ODAD2: variants seen among roughly 807,000 people sequenced by gnomAD.
The protein encoded by ODAD2 is outer dynein arm-docking complex subunit 2.
A neutral mutation model predicts 106.8 loss-of-function variants in ODAD2; 89 were observed. The ratio of observed to expected loss-of-function variants is 0.83; its 90% confidence interval spans 0.70 to 0.99. ODAD2 has a LOEUF of 0.99. ODAD2 is among the 50% of genes least tolerant of loss of function. ODAD2 has a pLI of 0.00. For missense variants in ODAD2, 1,168 were observed against 1,238.5 expected (o/e 0.94, Z 0.85); for synonymous variants, 404 against 436.2 (o/e 0.93, Z 0.92).
rs115922911 is a variant in ODAD2, at chr10:27,962,365, G to A, written c.1239-650C>T. 6.3e-3 allele frequency among the ~76,000 whole-genome samples: 953 copies of A among 152,294 alleles called. 8 individuals carry two copies. The highest frequency in any genetic ancestry group is 0.022 in the African/African-American group (905 of 41,554). On this transcript the variant is annotated intron_variant, in intron 9 of 19. Coordinates refer to ENST00000305242, the MANE Select transcript of ODAD2 (RefSeq NM_018076.5). ...AAGTGCTCAATGGCCCACGTGCCTC[G>A]TGGTTACCACACTGGACAGCTCAGA...
At chr10:27,950,102 A>C (rs1303115968) in intron 10 of ODAD2, among the ~76,000 whole-genome samples, 1 of 152,160 alleles carries the variant, frequency 6.6e-6, no homozygotes, top group East Asian at 1.9e-4. Context: ...GACTTGGAGA[A>C]TCGGCACCAC....
At chr10:27,859,568 A>C (rs1354414415) in intron 19 of ODAD2, among the ~76,000 whole-genome samples, 1 of 152,154 alleles carries the variant, frequency 6.6e-6, no homozygotes, top group Non-Finnish European at 1.5e-5. Context: ...CAACAAGTCC[A>C]CTTTGGGCAT....
chr10:27,956,063 A>C (rs1315901154), intron 10 of ODAD2, among the ~76,000 whole-genome samples: 1 of 152,162 alleles, frequency 6.6e-6, no homozygotes, highest in Non-Finnish European at 1.5e-5. Context: ...CTCATGTGAA[A>C]GGTGAAATCC....
chr10:27,905,510 A>C (rs560417869), intron 17 of ODAD2, among the ~76,000 whole-genome samples: 1 of 152,326 alleles, frequency 6.6e-6, no homozygotes, highest in African/African-American at 2.4e-5. Flanking sequence ...GAATTACAAA[A>C]AACTACTTTA....
intron 9 of ODAD2, among the ~76,000 whole-genome samples, chr10:27,966,161 G>C (rs1260820700): frequency 6.6e-6 from 1 of 152,110 alleles, no homozygotes; most frequent in African/African-American, 2.4e-5. Context: ...AAGCCAATTT[G>C]TGTGTAAAAC....
At chr10:27,893,073 C>T (rs1260284971) in intron 17 of ODAD2, among the ~76,000 whole-genome samples, 7 of 151,828 alleles carry the variant, frequency 4.6e-5, no homozygotes, top group African/African-American at 7.3e-5. Context: ...GCAGGAGAAT[C>T]GCTTGAACCC....
At chr10:27,957,798 C>A (rs373020064) in intron 10 of ODAD2, among the ~76,000 whole-genome samples, 1 of 152,120 alleles carries the variant, frequency 6.6e-6, no homozygotes, top group African/African-American at 2.4e-5. Flanking sequence ...GAATAATAAG[C>A]TATAGTTCAT....
intron 17 of ODAD2, among the ~76,000 whole-genome samples, chr10:27,870,249 T>A (rs1463117903): frequency 6.6e-6 from 1 of 152,098 alleles, no homozygotes; most frequent in Admixed American, 6.6e-5. Flanking sequence ...TCTCAATCTT[T>A]TCTCTCCCAG....
intron 16 of ODAD2, among the ~76,000 whole-genome samples, chr10:27,931,765 C>A (rs566257369): frequency 6.8e-6 from 1 of 147,836 alleles, no homozygotes; most frequent in African/African-American, 2.5e-5. Context: ...AACTAGATAA[C>A]CTGGCAATGA....
intron 7 of ODAD2, among the ~76,000 whole-genome samples, chr10:27,977,888 G>A (rs2133062732): frequency 6.6e-6 from 1 of 152,268 alleles, no homozygotes; most frequent in East Asian, 1.9e-4. Context: ...AGTTAATGAT[G>A]AGTATGTGGA....
At chr10:27,994,851 C>T (rs1588679053) in intron 2 of ODAD2, 68 bp downstream of exon 2, 7 of 1,546,286 alleles carry the variant, frequency 4.5e-6, no homozygotes, top group Non-Finnish European at 5.3e-6. Context: ...TGCCCCCAAA[C>T]CTAGAACCAA....
intron 5 of ODAD2, 71 bp from the exon 6 acceptor site, chr10:27,984,050 C>A: frequency 6.4e-7 from 1 of 1,555,976 alleles, no homozygotes; most frequent in Non-Finnish European, 8.7e-7. Context: ...TTGGCTTCCA[C>A]AAAATAAATA....
At chr10:27,962,795 T>C (rs1158516280) in intron 9 of ODAD2, among the ~76,000 whole-genome samples, 1 of 152,110 alleles carries the variant, frequency 6.6e-6, no homozygotes, top group African/African-American at 2.4e-5. Flanking sequence ...GCCAGGTTAC[T>C]GCCATTGGGT....
In ODAD2 at chr10:27,994,918, C is replaced by T; in HGVS notation, c.224+1G>A. 1 of 1,613,878 alleles carries T rather than the reference C, an allele frequency of 6.2e-7. No homozygotes were observed. Among genetic ancestry groups the T allele is most frequent in the Non-Finnish European group, 8.5e-7 (1 of 1,179,864 alleles). ...ATCCTAGAAGCAAGTAACTGGCTTA[C>T]CTGACAACATAACCTGATTCAAATG... is the stretch of plus-strand genomic sequence containing the variant. On this transcript the variant is annotated splice_donor_variant, in intron 2 of 19. Coordinates refer to ENST00000305242, the MANE Select transcript of ODAD2 (RefSeq NM_018076.5). LOFTEE classifies it high-confidence loss of function.
intron 3 of ODAD2, 33 bp from the exon 4 acceptor site, chr10:27,985,244 A>T (rs1849808501): frequency 1.4e-6 from 2 of 1,447,972 alleles, no homozygotes; most frequent in Non-Finnish European, 1.8e-6. Context: ...GACAAATAAA[A>T]ATTATCCACT....
chr10:27,879,629 A>G (rs1481140698), intron 17 of ODAD2, among the ~76,000 whole-genome samples: 2 of 152,044 alleles, frequency 1.3e-5, no homozygotes, highest in African/African-American at 4.8e-5. Context: ...TAACTATATG[A>G]TGTATTATAC....
rs1244639447 is a variant in ODAD2, at chr10:27,864,587, G to A, written c.2611-1965C>T. ...GGGGAGTGAGGTGAGAATGGGGAGT[G>A]AGGTGAGAGTGGGGAGTGAGGTGAG... On this transcript the variant is annotated intron_variant, in intron 17 of 19. Transcript: ENST00000305242. 6.4e-4 allele frequency among the ~76,000 whole-genome samples: 97 copies of A among 150,504 alleles called. 1 individual carries two copies. The highest frequency in any genetic ancestry group is 6.9e-3 in the Middle Eastern group (2 of 290).
intron 17 of ODAD2, among the ~76,000 whole-genome samples, chr10:27,872,356 C>T (rs1358684067): frequency 6.6e-6 from 1 of 151,852 alleles, no homozygotes; most frequent in African/African-American, 2.4e-5. Flanking sequence ...TTTCTTTCTC[C>T]TGCCTGATTG....
chr10:27,891,406 C>T (rs1230810477), intron 17 of ODAD2, among the ~76,000 whole-genome samples: 2 of 150,742 alleles, frequency 1.3e-5, no homozygotes, highest in African/African-American at 4.9e-5. Flanking sequence ...AAGATCAAAA[C>T]CAGACATTGT....
Sources: gnomAD v4.1 joint callset for allele counts (sites outside exome capture counted in the v4.1 genomes callset) on GRCh38, gnomAD v4.1.1 for gene constraint, MANE v1.5 for transcripts, NCBI Gene and HGNC (gene_info 2026-07-23, HGNC 2026-07-21) for gene names.